Variants in APPBP2 observed in about 807,000 individuals in gnomAD.
The protein encoded by APPBP2 is amyloid beta precursor protein binding protein 2.
APPBP2 carries 15 observed loss-of-function variants against 76.0 expected under a neutral mutation model. The observed-to-expected ratio is 0.20, with a 90% CI of 0.13 to 0.30. The LOEUF is 0.30. Among genes scored for constraint, APPBP2 ranks in the 10% least tolerant of loss-of-function variants. The pLI, the probability that APPBP2 is intolerant of heterozygous loss-of-function variation, is 1.00. For missense variants in APPBP2, 401 were observed against 687.2 expected (o/e 0.58, Z 4.66); for synonymous variants, 222 against 242.2 (o/e 0.92, Z 0.77).
chr17:60,505,681 T>TTTTTTTTG (rs2090861653), intron 1 of APPBP2, among the ~76,000 whole-genome samples: 1 of 126,744 alleles, frequency 7.9e-6, no homozygotes, highest in African/African-American at 3.6e-5. Flanking sequence ...CTGCGGTTTT[T>TTTTTTTTG]TTTTTTTTTT....
intron 3 of APPBP2, among the ~76,000 whole-genome samples, chr17:60,485,345 G>A (rs2090665389): frequency 6.6e-6 from 1 of 152,078 alleles, no homozygotes; most frequent in South Asian, 2.1e-4. Flanking sequence ...ACTTCTTTTG[G>A]TTGGTAGGCT....
chr17:60,506,274 C>T (rs1240702295), intron 1 of APPBP2, among the ~76,000 whole-genome samples: 1 of 152,140 alleles, frequency 6.6e-6, no homozygotes, highest in Non-Finnish European at 1.5e-5. Context: ...GATTACCGGC[C>T]TGAGCCACTG....
chr17:60,477,383 A>G (rs1336139076), intron 4 of APPBP2: 1 of 152,226 alleles, frequency 6.6e-6, no homozygotes, highest in African/African-American at 2.4e-5. Context: ...AGATTGCCAT[A>G]GTGAATAATC....
At chr17:60,511,149 A>G (rs1340647705) in intron 1 of APPBP2, among the ~76,000 whole-genome samples, 2 of 152,210 alleles carry the variant, frequency 1.3e-5, no homozygotes, top group Non-Finnish European at 2.9e-5. Context: ...AGTGATAACC[A>G]GTCATACATA....
chr17:60,518,090 C>T (rs1206505467), intron 1 of APPBP2, among the ~76,000 whole-genome samples: 1 of 134,476 alleles, frequency 7.4e-6, no homozygotes, highest in South Asian at 2.3e-4. Context: ...TTTTTTGAGA[C>T]AGTCTCATCC....
At chr17:60,500,374 T>C (rs754522619) in intron 2 of APPBP2, 25 bp downstream of exon 2, 5 of 1,461,416 alleles carry the variant, frequency 3.4e-6, no homozygotes, top group South Asian at 1.2e-5. Flanking sequence ...ATGTATATTT[T>C]ACAATTTTTT....
chr17:60,526,114 A>T lies in APPBP2; in HGVS notation c.-183T>A. On this transcript the variant is annotated 5_prime_UTR_variant, in exon 1 of 13. Transcript: ENST00000083182. Reference sequence around the variant, plus strand: ...GCAAACTGAGGGACGGCGGCAGCGGACGCAGGCCCGAGTAAAAAGTGGGAC... The same window carrying T: ...GCAAACTGAGGGACGGCGGCAGCGGTCGCAGGCCCGAGTAAAAAGTGGGAC... 1.6e-6 allele frequency: 1 copy of T among 607,744 alleles called. No homozygotes were observed. The highest frequency in any genetic ancestry group is 2.9e-6 in the Non-Finnish European group (1 of 346,136). 37.6% of individuals were successfully genotyped at this position (607,744 alleles called of 1,614,324 possible).
intron 4 of APPBP2, chr17:60,468,456 C>T (rs937511450): frequency 4.6e-5 from 7 of 152,204 alleles, no homozygotes; most frequent in Admixed American, 4.6e-4. Flanking sequence ...TTCCACAATG[C>T]TAAGAATTTC....
At position 60,447,431 on chromosome 17, in the gene APPBP2, C is replaced by T; in HGVS notation, c.*150G>A. 1.3e-6 allele frequency: 1 copy of T among 792,250 alleles called. No individual in the cohort carries two copies. 49.1% of individuals were successfully genotyped at this position (792,250 alleles called of 1,614,324 possible). On this transcript the variant is annotated 3_prime_UTR_variant, in exon 13 of 13. Transcript: ENST00000083182. Reference sequence around the variant, plus strand: ...TATGCTTATTCCTACAGACATTCTGCAAGATAGGGATCACCCAAAATAGGG... The same window carrying T: ...TATGCTTATTCCTACAGACATTCTGTAAGATAGGGATCACCCAAAATAGGG...
chr17:60,501,155 T>C (rs544186516), intron 1 of APPBP2, among the ~76,000 whole-genome samples: 129 of 151,926 alleles, frequency 8.5e-4, no homozygotes, highest in African/African-American at 3.0e-3. Context: ...TTATAAAATA[T>C]AAATAAATTC....
At chr17:60,475,871 C>T (rs1190732193) in intron 4 of APPBP2, among the ~76,000 whole-genome samples, 4 of 152,156 alleles carry the variant, frequency 2.6e-5, no homozygotes, top group Non-Finnish European at 5.9e-5. Context: ...TCTCTGTTCC[C>T]TTATCTGGAG....
chr17:60,507,976 T>C (rs1229577543), intron 1 of APPBP2, among the ~76,000 whole-genome samples: 17 of 141,506 alleles, frequency 1.2e-4, no homozygotes, highest in Admixed American at 2.9e-4. Context: ...TTTTTCCTTC[T>C]TTTTTTTTTT....
intron 4 of APPBP2, among the ~76,000 whole-genome samples, chr17:60,471,670 C>T (rs1290311309): frequency 2.0e-5 from 3 of 151,684 alleles, no homozygotes; most frequent in African/African-American, 7.3e-5. Context: ...ATAAATCTCA[C>T]TTTGTCATAG....
chr17:60,482,910 T>C (rs567584560), intron 3 of APPBP2, among the ~76,000 whole-genome samples: 9 of 152,232 alleles, frequency 5.9e-5, no homozygotes, highest in Non-Finnish European at 8.8e-5. Context: ...TATGTCTTTA[T>C]AGTAGCATGA....
At chr17:60,460,606 A>C in intron 9 of APPBP2, 57 bp downstream of exon 9, 5 of 1,556,288 alleles carry the variant, frequency 3.2e-6, no homozygotes, top group Non-Finnish European at 3.5e-6. Flanking sequence ...ATGGGAAAAA[A>C]CAAAATAAAA....
Position 60,447,848 on chromosome 17 carries a change from G to GA in APPBP2, c.1505-15dup. ...AAAGTTTCTTCCCTGTAACAAAAAA[G>GA]AAAAAGGAAAAAAAAAAAAGCACAA... On this transcript the variant is annotated splice_polypyrimidine_tract_variant and intron_variant, in intron 12 of 12. Transcript: ENST00000083182. 7.1e-7 allele frequency: 1 copy of GA among 1,404,142 alleles called. No homozygotes were observed. Among genetic ancestry groups the GA allele is most frequent in the Non-Finnish European group, 9.3e-7 (1 of 1,071,972 alleles). The allele number at this position is 1,404,142 out of a possible 1,614,324, so 87.0% of individuals were successfully genotyped here.
intron 1 of APPBP2, among the ~76,000 whole-genome samples, chr17:60,514,127 C>CA (rs1391084947): frequency 2.0e-5 from 3 of 151,490 alleles, no homozygotes; most frequent in African/African-American, 7.3e-5. Context: ...AACAATGCGG[C>CA]AAAATCTCAT....
At chr17:60,519,475 T>C (rs1365728673) in intron 1 of APPBP2, among the ~76,000 whole-genome samples, 1 of 151,564 alleles carries the variant, frequency 6.6e-6, no homozygotes, top group African/African-American at 2.4e-5. Context: ...GTTTTTTTTG[T>C]TGTTATCTCC....
At position 60,444,421 on chromosome 17, in the gene APPBP2, T is replaced by C. The variant is rs919689719; in HGVS notation, c.*3160A>G. 1 of 152,170 alleles carries C rather than the reference T, an allele frequency of 6.6e-6. No individual in the cohort carries two copies. The allele number at this position is 152,170 out of a possible 1,614,324, so 9.4% of individuals were successfully genotyped here. ...GGCATGTGTTCACTGCAGTTTTCTG[T>C]CTGCACTATTAAGGAGCAGCCAAAT... is the stretch of plus-strand genomic sequence containing the variant. On this transcript the variant is annotated 3_prime_UTR_variant, in exon 13 of 13. Transcript: ENST00000083182.
Sources: allele counts gnomAD v4.1 joint callset (sites outside exome capture counted in the v4.1 genomes callset), GRCh38; gene constraint gnomAD v4.1.1; transcripts MANE v1.5; gene names NCBI Gene and HGNC (gene_info 2026-07-23, HGNC 2026-07-21).